KALRN: variants seen among roughly 807,000 people sequenced by gnomAD.
KALRN encodes kalirin RhoGEF kinase.
KALRN carries 70 observed loss-of-function variants against 353.7 expected under a neutral mutation model. The ratio of observed to expected loss-of-function variants is 0.20; its 90% CI spans 0.16 to 0.24. The LOEUF is 0.24. Ranked by LOEUF, KALRN falls within the 10% of genes least tolerant of loss-of-function variation. The probability of loss-of-function intolerance (pLI) is 1.00; values close to 1 mark genes in which losing one functional copy is unlikely to be tolerated. For missense variants in KALRN, 2,791 were observed against 3,756.7 expected (o/e 0.74, Z 6.72); for synonymous variants, 1,391 against 1,434.8 (o/e 0.97, Z 0.69).
At chr3:124,464,199 T>C (rs1246609719) in intron 25 of KALRN, among the ~76,000 whole-genome samples, 1 of 152,226 alleles carries the variant, frequency 6.6e-6, no homozygotes, top group African/African-American at 2.4e-5. Context: ...TTCTGGCTTA[T>C]GGTCTCTGGG....
chr3:124,042,926 T>C (rs143590750), intron 1 of KALRN, among the ~76,000 whole-genome samples: 47 of 152,254 alleles, frequency 3.1e-4, no homozygotes, highest in Middle Eastern at 3.4e-3. Flanking sequence ...ATGAAAAGCA[T>C]ACACAGAATT....
In KALRN at chr3:124,661,869, T is replaced by G. The variant is rs1453242530; in HGVS notation, c.6286T>G (p.Cys2096Gly). The G allele has an allele frequency of 1.2e-6, 2 of 1,614,026 alleles. No individual in the cohort carries two copies. Among genetic ancestry groups the G allele is most frequent in the African/African-American group, 2.7e-5 (2 of 74,940 alleles). The part of the protein sequence containing the change: ...SDIEKAVELM[C>G]LVPKRCNDMM... ...CCCACAGAAAGCAGTGGAGTTAATG[T>G]GCCTTGTTCCCAAACGCTGCAATGA... Residue 2096 changes from cysteine to glycine, a missense_variant, in exon 45 of 60, where the codon TGC (cysteine) becomes GGC (glycine). Physicochemically the swap from Cys to Gly is radical, Grantham distance 159. This residue lies in a region of KALRN where 1,065 missense variants were observed against 1,156.4 expected (regional missense o/e 0.92). Transcript: ENST00000682506.
rs2086586788 is a variant in KALRN, at chr3:124,376,356, G to A, written c.1771-8489G>A. Among the ~76,000 whole-genome samples the A allele has an allele frequency of 2.0e-5, 3 of 152,124 alleles. No homozygotes were observed. In the South Asian group the frequency reaches 6.2e-4, roughly 32 times the overall value. Reference sequence around the variant, plus strand: ...GGGAACTTACTTGTTCCCTTATTCAGGGCACCTAAGAAGATATTGTTCTTT... The same window carrying A: ...GGGAACTTACTTGTTCCCTTATTCAAGGCACCTAAGAAGATATTGTTCTTT... On this transcript the variant is annotated intron_variant, in intron 10 of 59. Transcript: ENST00000682506.
At chr3:124,363,991 C>T (rs1445141318) in intron 10 of KALRN, among the ~76,000 whole-genome samples, 1 of 152,186 alleles carries the variant, frequency 6.6e-6, no homozygotes, top group Non-Finnish European at 1.5e-5. Flanking sequence ...GCCCAGTGAC[C>T]TCTCAACAGC....
chr3:124,699,536 A>T (rs3772798), intron 55 of KALRN, among the ~76,000 whole-genome samples: 12,938 of 152,268 alleles, frequency 0.085, 908 homozygotes, highest in East Asian at 0.32. Context: ...GTTATTAACT[A>T]AAAATATACT....
intron 10 of KALRN, among the ~76,000 whole-genome samples, chr3:124,376,627 AC>A (rs1327862307): frequency 6.6e-6 from 1 of 152,194 alleles, no homozygotes; most frequent in African/African-American, 2.4e-5. Flanking sequence ...TATATTTTAA[AC>A]CTATTATGTG....
chr3:124,475,075 T>A (rs535786383), intron 26 of KALRN, among the ~76,000 whole-genome samples: 27 of 152,260 alleles, frequency 1.8e-4, no homozygotes, highest in South Asian at 6.2e-4. Flanking sequence ...TTAAAAAAAA[T>A]TTTTTATCTT....
Position 124,657,363 on chromosome 3 carries a change from C to T in KALRN, c.5863-85C>T, listed in dbSNP as rs1000990870. On this transcript the variant is annotated intron_variant, in intron 39 of 59. Coordinates refer to ENST00000682506, the MANE Select transcript of KALRN (RefSeq NM_001388419.1). ...CGCAAACTCACGCAGAGAGTGTGGG[C>T]TTGCAGGGGTGCTGTGGTGTGTGGC... 5.7e-6 allele frequency: 5 copies of T among 873,820 alleles called. No homozygotes were observed. The African/African-American group carries it at 8.4e-5, about 15-fold the overall frequency. The allele number at this position is 873,820 out of a possible 1,614,324, so 54.1% of individuals were successfully genotyped here.
At chr3:124,175,328 G>A (rs1165047985) in intron 1 of KALRN, among the ~76,000 whole-genome samples, 1 of 151,454 alleles carries the variant, frequency 6.6e-6, no homozygotes, top group Non-Finnish European at 1.5e-5. Context: ...AGGATGCGGA[G>A]ATGCGCGCTG....
intron 27 of KALRN, among the ~76,000 whole-genome samples, chr3:124,481,692 C>G (rs937902887): frequency 2.6e-5 from 4 of 152,184 alleles, no homozygotes; most frequent in African/African-American, 9.7e-5. Context: ...ATCATCTAAA[C>G]ACACAATGAT....
At chr3:124,607,701 C>A (rs1037930738) in intron 34 of KALRN, among the ~76,000 whole-genome samples, 1 of 152,118 alleles carries the variant, frequency 6.6e-6, no homozygotes, top group African/African-American at 2.4e-5. Context: ...ACTGCAACCT[C>A]CACCTCCTAG....
At chr3:124,469,791 C>A (rs991426059) in intron 25 of KALRN, among the ~76,000 whole-genome samples, 2 of 152,194 alleles carry the variant, frequency 1.3e-5, no homozygotes, top group African/African-American at 4.8e-5. Flanking sequence ...CATACAAGGT[C>A]ATCAAATAGT....
chr3:124,592,238 G>T (rs1463121059), intron 34 of KALRN, among the ~76,000 whole-genome samples: 3 of 150,338 alleles, frequency 2.0e-5, no homozygotes, highest in Non-Finnish European at 4.4e-5. Context: ...GGAAGCAGAG[G>T]TTGCAGTGAG....
chr3:124,248,487 G>A (rs1380572419), intron 3 of KALRN, among the ~76,000 whole-genome samples: 1 of 152,140 alleles, frequency 6.6e-6, no homozygotes, highest in Non-Finnish European at 1.5e-5. Flanking sequence ...AGTGGACTCA[G>A]TCTCACCAAG....
intron 3 of KALRN, among the ~76,000 whole-genome samples, chr3:124,239,312 A>G (rs188545707): frequency 2.6e-3 from 400 of 152,304 alleles, no homozygotes; most frequent in Non-Finnish European, 4.7e-3. Context: ...TGAAATAGGA[A>G]TTTCTAAGCA....
intron 38 of KALRN, among the ~76,000 whole-genome samples, chr3:124,653,365 C>T (rs371538845): frequency 2.4e-4 from 36 of 152,104 alleles, no homozygotes; most frequent in African/African-American, 8.5e-4. Context: ...TGGTCTAACA[C>T]CAGTATGTAC....
intron 5 of KALRN, among the ~76,000 whole-genome samples, chr3:124,288,023 G>A (rs1423906830): frequency 1.3e-5 from 2 of 151,390 alleles, no homozygotes; most frequent in Non-Finnish European, 2.9e-5. Context: ...ACAGGTGCCT[G>A]CCACCACGCC....
intron 18 of KALRN, among the ~76,000 whole-genome samples, chr3:124,440,396 T>C (rs2093629704): frequency 6.6e-6 from 1 of 152,150 alleles, no homozygotes; most frequent in Admixed American, 6.5e-5. Flanking sequence ...GTGGGAATGA[T>C]ATGCCCAGTA....
chr3:124,401,734 T>TG (rs1323196861), intron 13 of KALRN, among the ~76,000 whole-genome samples: 3 of 152,070 alleles, frequency 2.0e-5, no homozygotes, highest in African/African-American at 7.2e-5. Flanking sequence ...CCTTGTCTTG[T>TG]GGGGGAGGCC....
Sources: allele counts gnomAD v4.1 joint callset (sites outside exome capture counted in the v4.1 genomes callset), GRCh38; gene constraint gnomAD v4.1.1; regional missense constraint gnomAD v4.1.1; transcripts MANE v1.5; gene names NCBI Gene and HGNC (gene_info 2026-07-23, HGNC 2026-07-21).